MORN3: variants seen among roughly 807,000 people sequenced by gnomAD.
The protein encoded by MORN3 is MORN repeat containing 3, also known as MORN repeat-containing protein 3.
MORN3 carries 38 observed loss-of-function variants against 34.7 expected under a neutral mutation model. The observed-to-expected ratio is 1.10, with a 90% CI of 0.85 to 1.44. MORN3 has a LOEUF of 1.44. MORN3 is among the 40% of genes most tolerant of loss of function. The pLI, the probability that MORN3 is intolerant of heterozygous loss-of-function variation, is 0.00. For missense variants in MORN3, 311 were observed against 321.7 expected (o/e 0.97, Z 0.25); for synonymous variants, 109 against 115.3 (o/e 0.95, Z 0.35).
intron 3 of MORN3, among the ~76,000 whole-genome samples, chr12:121,653,811 T>C (rs1555325393): frequency 6.6e-6 from 1 of 152,154 alleles, no homozygotes. Context: ...TGGCTTTTTT[T>C]TTAAAAATTG....
upstream of MORN3, among the ~76,000 whole-genome samples, chr12:121,669,813 C>CATATATATATATATAATATATAT (rs1555327000): frequency 1.3e-3 from 171 of 135,928 alleles, 3 homozygotes; most frequent in African/African-American, 4.7e-3. Flanking sequence ...GTCATATATA[C>CATATATATATATATAATATATAT]ATATATATAT....
chr12:121,668,966 G>A (rs1018752242), intron 1 of MORN3, among the ~76,000 whole-genome samples: 1 of 152,118 alleles, frequency 6.6e-6, no homozygotes, highest in Admixed American at 6.6e-5. Flanking sequence ...TGAATGCGAA[G>A]CCCAGAACCC....
upstream of MORN3, among the ~76,000 whole-genome samples, chr12:121,672,166 CAA>C (rs1893986022): frequency 6.6e-6 from 1 of 151,954 alleles, no homozygotes; most frequent in South Asian, 2.1e-4. Flanking sequence ...TGCTGAGTAA[CAA>C]AGACCGGCCT....
chr12:121,653,396 CAAG>C, intron 3 of MORN3, 137 bp from the exon 4 acceptor site: 1 of 884,200 alleles, frequency 1.1e-6, no homozygotes, highest in Non-Finnish European at 1.7e-6. Context: ...CCCAGGAGAT[CAAG>C]ACCAGCCTGA....
intron 1 of MORN3, among the ~76,000 whole-genome samples, chr12:121,668,259 G>T (rs1020364925): frequency 6.6e-6 from 1 of 151,828 alleles, no homozygotes; most frequent in African/African-American, 2.4e-5. Flanking sequence ...GCACAGAATT[G>T]GGCTGGGCGC....
intron 1 of MORN3, 57 bp from the exon 2 acceptor site, chr12:121,659,405 T>C: frequency 6.3e-7 from 1 of 1,593,816 alleles, no homozygotes; most frequent in Non-Finnish European, 8.6e-7. Flanking sequence ...GTGGGGGTGG[T>C]GTGCCTGCCT....
In MORN3 at chr12:121,654,383, C is replaced by T. The variant is rs1555325488; in HGVS notation, c.354G>A (p.Trp118Ter). 1 of 1,601,608 alleles carries T rather than the reference C, an allele frequency of 6.2e-7. No homozygotes were observed. The highest frequency in any genetic ancestry group is 8.5e-7 in the Non-Finnish European group (1 of 1,174,514). ...FGPKEYYEGD[W>*]CGSQRSGWGR... ...CCCACCCGCTGCGCTGGCTGCCACA[C>T]CAGTCACCCTCATAATACTCCTTGG... Residue 118 changes from tryptophan to a stop codon, truncating the protein, a stop_gained, in exon 3 of 6, where the codon TGG becomes TGA. Coordinates refer to ENST00000355329, the MANE Select transcript of MORN3 (RefSeq NM_173855.5). LOFTEE classifies it high-confidence loss of function.
intron 2 of MORN3, among the ~76,000 whole-genome samples, chr12:121,655,856 C>T (rs1393179438): frequency 6.6e-6 from 1 of 151,940 alleles, no homozygotes; most frequent in African/African-American, 2.4e-5. Flanking sequence ...TGGTGAAAAC[C>T]CGTCTCTACT....
At chr12:121,669,716 C>G, upstream of MORN3, 1 of 430,236 alleles carries the variant, frequency 2.3e-6, no homozygotes, top group Non-Finnish European at 4.3e-6. Context: ...TCTGATGGCA[C>G]AATTACTTGG....
chr12:121,654,362 C>A lies in MORN3; in HGVS notation c.375G>T (p.Gly125=). 1 of 1,601,784 alleles carries A rather than the reference C, an allele frequency of 6.2e-7. No homozygotes were observed. The highest frequency in any genetic ancestry group is 8.5e-7 in the Non-Finnish European group (1 of 1,174,732). ...EGDWCGSQRS[G]WGRMYYSNGD... is the part of the protein sequence containing the mutation. The stretch of plus-strand genomic sequence containing the variant: ...CGTTGCTGTAATACATGCGGCCCCA[C>A]CCGCTGCGCTGGCTGCCACACCAGT... Residue 125 remains glycine (G), a synonymous_variant, in exon 3 of 6, where the codon GGG becomes GGT. Transcript: ENST00000355329.
intron 3 of MORN3, among the ~76,000 whole-genome samples, 176 bp downstream of exon 3, chr12:121,654,098 T>C (rs1893330345): frequency 6.6e-6 from 1 of 152,028 alleles, no homozygotes; most frequent in Non-Finnish European, 1.5e-5. Flanking sequence ...ATGTGACCTT[T>C]TGTGACTGAG....
chr12:121,661,530 C>A (rs1041002387), intron 1 of MORN3, among the ~76,000 whole-genome samples: 3 of 152,106 alleles, frequency 2.0e-5, no homozygotes, highest in African/African-American at 7.2e-5. Flanking sequence ...TAAGTTAATT[C>A]TTTGGGTCTC....
In MORN3 at chr12:121,660,018, G is replaced by T. The variant is rs193183901; in HGVS notation, c.146-670C>A. Reference sequence around the variant, plus strand: ...GGAGGCTGAGGCGGGTGGATCACCTGAGGTCAGGAGTTCGAGACCAGCCTG... The same window carrying T: ...GGAGGCTGAGGCGGGTGGATCACCTTAGGTCAGGAGTTCGAGACCAGCCTG... On this transcript the variant is annotated intron_variant, in intron 1 of 5. Coordinates refer to ENST00000355329, the MANE Select transcript of MORN3 (RefSeq NM_173855.5). Among the ~76,000 whole-genome samples the T allele has an allele frequency of 5.1e-4, 78 of 151,718 alleles. No individual in the cohort carries two copies. In the East Asian group the frequency reaches 0.012, roughly 23 times the overall value.
chr12:121,652,776 C>A lies in MORN3; in HGVS notation c.681G>T (p.Ala227=), dbSNP rs141136461. 9.4e-5 allele frequency: 152 copies of A among 1,614,218 alleles called. 2 individuals are homozygous for A. The highest frequency in any genetic ancestry group is 6.6e-4 in the Middle Eastern group (4 of 6,062). The stretch of plus-strand genomic sequence containing the variant: ...TCTTCCTGAACATGGCCAAGGCCTC[C>A]GCCAGCACACCATCAGGGTCTAGGA... The part of the protein sequence containing the change: ...VKILDPDGVL[A]EALAMFRKTE... The change falls in exon 5 of 6, where the codon GCG becomes GCT. Residue 227 remains alanine, a synonymous_variant. Transcript: ENST00000355329.
chr12:121,669,836 T>TATATATATATATATATATATATATATATA (rs1566488493), upstream of MORN3, among the ~76,000 whole-genome samples: 12 of 126,798 alleles, frequency 9.5e-5, no homozygotes, highest in African/African-American at 3.6e-4. Flanking sequence ...ATATATATTT[T>TATATATATATATATATATATATATATATA]TTTTTTTATG....
chr12:121,663,613 A>G (rs932083714), intron 1 of MORN3, among the ~76,000 whole-genome samples: 5 of 152,178 alleles, frequency 3.3e-5, no homozygotes, highest in Admixed American at 2.0e-4. Flanking sequence ...TTTGTGAGCA[A>G]TTACGGGACC....
intron 2 of MORN3, among the ~76,000 whole-genome samples, chr12:121,658,938 C>T (rs896105479): frequency 6.6e-6 from 1 of 152,122 alleles, no homozygotes; most frequent in African/African-American, 2.4e-5. Flanking sequence ...GCCTGGCTGG[C>T]TCCTCGCAAC....
chr12:121,652,777 G>T lies in MORN3; in HGVS notation c.680C>A (p.Ala227Glu). ...CTTCCTGAACATGGCCAAGGCCTCC[G>T]CCAGCACACCATCAGGGTCTAGGAT... Reference protein sequence around the residue: ...VKILDPDGVLAEALAMFRKTE... With the variant: ...VKILDPDGVLEEALAMFRKTE... Residue 227 changes from alanine to glutamate, a missense_variant, in exon 5 of 6, where the codon GCG (alanine) becomes GAG (glutamate). By Grantham distance (107) the Ala-to-Glu change is moderately radical (BLOSUM62 -1). Transcript: ENST00000355329. 6.2e-7 allele frequency: 1 copy of T among 1,614,192 alleles called. No homozygotes were observed. Among genetic ancestry groups the T allele is most frequent in the South Asian group, 1.1e-5 (1 of 91,086 alleles).
upstream of MORN3, among the ~76,000 whole-genome samples, chr12:121,672,196 C>G (rs905354422): frequency 2.6e-5 from 4 of 151,986 alleles, no homozygotes; most frequent in Non-Finnish European, 5.9e-5. Flanking sequence ...TGGGGGCTGC[C>G]GCCTGCAATC....
Sources: allele counts gnomAD v4.1 joint callset (sites outside exome capture counted in the v4.1 genomes callset), GRCh38; gene constraint gnomAD v4.1.1; transcripts MANE v1.5; gene names NCBI Gene and HGNC (gene_info 2026-07-23, HGNC 2026-07-21).